The following FAF1 variants were observed in gnomAD, a reference collection of about 807,000 sequenced individuals.
FAF1 encodes the protein FAS-associated factor 1.
FAF1 carries 25 observed loss-of-function variants against 92.5 expected under a neutral mutation model. The observed-to-expected ratio is 0.27, with a 90% CI of 0.20 to 0.38. The LOEUF is 0.38. Ranked by LOEUF, FAF1 falls within the 10% of genes least tolerant of loss-of-function variation. The pLI, the probability that FAF1 is intolerant of heterozygous loss-of-function variation, is 1.00. For synonymous variants in FAF1, 234 were observed against 273.2 expected (o/e 0.86, Z 1.42); for missense variants, 636 against 793.3 (o/e 0.80, Z 2.38).
intron 2 of FAF1, among the ~76,000 whole-genome samples, chr1:50,835,547 GA>G (rs1644192750): frequency 8.2e-6 from 1 of 122,456 alleles, no homozygotes. Flanking sequence ...CTCCAGCCTG[GA>G]TGACAAAGCA....
At chr1:50,692,078 T>C (rs1656954243) in intron 7 of FAF1, among the ~76,000 whole-genome samples, 1 of 152,038 alleles carries the variant, frequency 6.6e-6, no homozygotes, top group Non-Finnish European at 1.5e-5. Flanking sequence ...TAGCTGGGCA[T>C]TGTGGCACGT....
At chr1:50,663,155 G>C (rs1272549187) in intron 7 of FAF1, among the ~76,000 whole-genome samples, 1 of 151,630 alleles carries the variant, frequency 6.6e-6, no homozygotes, top group Non-Finnish European at 1.5e-5. Flanking sequence ...CAAGTTTATA[G>C]AAACTGTGAA....
intron 1 of FAF1, among the ~76,000 whole-genome samples, chr1:50,933,535 A>C (rs1168036741): frequency 6.6e-6 from 1 of 152,180 alleles, no homozygotes; most frequent in Non-Finnish European, 1.5e-5. Flanking sequence ...TTTTTGTCAA[A>C]GCCATTCGAC....
At chr1:50,601,125 A>ATG (rs34837212) in intron 8 of FAF1, among the ~76,000 whole-genome samples, 68,755 of 152,022 alleles carry the variant, frequency 0.45, 16,647 homozygotes, top group African/African-American at 0.59. Flanking sequence ...AAGCTCTTTC[A>ATG]AAATCTTAGA....
intron 15 of FAF1, among the ~76,000 whole-genome samples, chr1:50,504,455 G>A (rs771019574): frequency 3.3e-5 from 5 of 150,948 alleles, no homozygotes; most frequent in Non-Finnish European, 7.4e-5. Flanking sequence ...TTGCAACACA[G>A]AGATACAGAA....
chr1:50,635,893 T>C (rs1429510218), intron 8 of FAF1, among the ~76,000 whole-genome samples: 1 of 152,222 alleles, frequency 6.6e-6, no homozygotes, highest in Non-Finnish European at 1.5e-5. Context: ...AAGCCATCCA[T>C]GCCTCTTGGT....
intron 4 of FAF1, among the ~76,000 whole-genome samples, chr1:50,783,631 T>C (rs1309135480): frequency 6.6e-6 from 1 of 152,118 alleles, no homozygotes; most frequent in Non-Finnish European, 1.5e-5. Flanking sequence ...CCCAGCACTC[T>C]GGGAGGCTGA....
chr1:50,909,430 A>G (rs571163359), intron 1 of FAF1, among the ~76,000 whole-genome samples: 1 of 152,286 alleles, frequency 6.6e-6, no homozygotes, highest in South Asian at 2.1e-4. Context: ...CTGCCTTGCT[A>G]GGTTGGGGAA....
intron 4 of FAF1, among the ~76,000 whole-genome samples, chr1:50,783,237 C>A (rs547369483): frequency 2.0e-5 from 3 of 152,066 alleles, no homozygotes; most frequent in Admixed American, 6.5e-5. Flanking sequence ...AATCTCCCAA[C>A]AAAGAAACAT....
chr1:50,637,146 C>G (rs77236920), intron 8 of FAF1, among the ~76,000 whole-genome samples: 35,083 of 151,338 alleles, frequency 0.23, 4,470 homozygotes, highest in Middle Eastern at 0.44. Flanking sequence ...TTTTTGAAAA[C>G]TATTTTAGGC....
chr1:50,735,287 G>C (rs954467188), intron 6 of FAF1, among the ~76,000 whole-genome samples: 1 of 152,112 alleles, frequency 6.6e-6, no homozygotes, highest in Non-Finnish European at 1.5e-5. Flanking sequence ...GAGGCCACTG[G>C]AGTACTGCTT....
intron 1 of FAF1, among the ~76,000 whole-genome samples, chr1:50,925,121 C>T (rs1272529458): frequency 6.6e-6 from 1 of 152,146 alleles, no homozygotes; most frequent in Non-Finnish European, 1.5e-5. Flanking sequence ...GGGAAAACAA[C>T]AGTCTCTTCA....
intron 7 of FAF1, among the ~76,000 whole-genome samples, chr1:50,692,532 A>T (rs924170163): frequency 1.3e-5 from 2 of 152,086 alleles, no homozygotes; most frequent in Non-Finnish European, 2.9e-5. Context: ...TAGAATCCAT[A>T]TATAAGTGAG....
At chr1:50,492,221 G>T (rs1646848008) in intron 15 of FAF1, among the ~76,000 whole-genome samples, 1 of 152,104 alleles carries the variant, frequency 6.6e-6, no homozygotes, top group Admixed American at 6.6e-5. Context: ...GATAAACTTG[G>T]AGACTGTCAG....
At chr1:50,694,712 G>C (rs1258059795) in intron 7 of FAF1, among the ~76,000 whole-genome samples, 1 of 150,932 alleles carries the variant, frequency 6.6e-6, no homozygotes, top group Admixed American at 6.6e-5. Context: ...TTGGGAGGCC[G>C]AGGTGGGCGG....
At chr1:50,537,687 T>C (rs766989706) in intron 14 of FAF1, among the ~76,000 whole-genome samples, 4 of 152,174 alleles carry the variant, frequency 2.6e-5, no homozygotes, top group African/African-American at 7.2e-5. Context: ...AAGAGCAGCA[T>C]TGTAACATTT....
chr1:50,769,789 G>A (rs1027979548), intron 4 of FAF1, among the ~76,000 whole-genome samples: 3 of 152,246 alleles, frequency 2.0e-5, no homozygotes, highest in Non-Finnish European at 2.9e-5. Flanking sequence ...GGTGGCTCAC[G>A]TCTATGATCC....
chr1:50,710,714 T>TG (rs1267969457), intron 6 of FAF1, among the ~76,000 whole-genome samples: 1 of 151,638 alleles, frequency 6.6e-6, no homozygotes, highest in Non-Finnish European at 1.5e-5. Flanking sequence ...GCGATTCTCC[T>TG]GCCCCAGCCT....
chr1:50,595,868 G>C (rs1333238996), intron 9 of FAF1, among the ~76,000 whole-genome samples: 2 of 152,088 alleles, frequency 1.3e-5, no homozygotes, highest in African/African-American at 4.8e-5. Flanking sequence ...TAGCCTGATG[G>C]TTCTAAGTAA....
Sources: allele counts gnomAD v4.1 joint callset (sites outside exome capture counted in the v4.1 genomes callset), GRCh38; gene constraint gnomAD v4.1.1; transcripts MANE v1.5; gene names NCBI Gene and HGNC (gene_info 2026-07-23, HGNC 2026-07-21).